Variants in NTRK3 observed in about 807,000 individuals in gnomAD.
The protein encoded by NTRK3 is neurotrophic receptor tyrosine kinase 3.
NTRK3 carries 24 observed loss-of-function variants against 91.7 expected under a neutral mutation model. The ratio of observed to expected loss-of-function variants is 0.26; its 90% CI spans 0.19 to 0.37. The LOEUF is 0.37. NTRK3 is among the 10% of genes least tolerant of loss of function. The probability of loss-of-function intolerance (pLI) is 1.00; values close to 1 mark genes in which losing one functional copy is unlikely to be tolerated. For missense variants in NTRK3, 880 were observed against 1,068.9 expected, an observed-to-expected ratio of 0.82 and a Z score of 2.46; for synonymous variants, 483 against 404.0, an observed-to-expected ratio of 1.20 and a Z score of -2.34.
intron 17 of NTRK3, among the ~76,000 whole-genome samples, chr15:87,919,079 T>G (rs146310638): frequency 6.0e-5 from 9 of 151,226 alleles, no homozygotes; most frequent in African/African-American, 2.2e-4. Flanking sequence ...ATAATGCTAT[T>G]GGTGTGGCCA....
At chr15:87,917,620 G>A (rs1156842081) in intron 17 of NTRK3, among the ~76,000 whole-genome samples, 1 of 152,140 alleles carries the variant, frequency 6.6e-6, no homozygotes, top group Non-Finnish European at 1.5e-5. Flanking sequence ...GTTGGAGGTG[G>A]GGCCTGGTGA....
chr15:88,078,939 C>T (rs895070692), intron 13 of NTRK3, among the ~76,000 whole-genome samples: 5 of 152,196 alleles, frequency 3.3e-5, no homozygotes, highest in Admixed American at 1.3e-4. Context: ...CCGCTGCATG[C>T]GATGGGGCAC....
chr15:87,974,646 C>G (rs1321866144), intron 14 of NTRK3, among the ~76,000 whole-genome samples: 1 of 152,176 alleles, frequency 6.6e-6, no homozygotes, highest in Non-Finnish European at 1.5e-5. Context: ...AAAAGGCCAT[C>G]ATTGCTTGGG....
intron 13 of NTRK3, among the ~76,000 whole-genome samples, chr15:88,060,173 G>C (rs932477351): frequency 6.6e-6 from 1 of 152,062 alleles, no homozygotes; most frequent in Non-Finnish European, 1.5e-5. Context: ...TTGAGGTCAG[G>C]AGTTTGAGAC....
intron 14 of NTRK3, among the ~76,000 whole-genome samples, chr15:87,963,292 T>A (rs904075298): frequency 4.6e-5 from 7 of 152,152 alleles, no homozygotes; most frequent in African/African-American, 1.4e-4. Flanking sequence ...GTGCTGTTTT[T>A]CGTAAGAATG....
At chr15:88,032,721 CAG>C in intron 14 of NTRK3, 134 bp downstream of exon 14, 2 of 984,152 alleles carry the variant, frequency 2.0e-6, no homozygotes, top group Non-Finnish European at 3.1e-6. Context: ...TTGAAACAAA[CAG>C]GGAGGGTCTC....
chr15:87,941,466 TACACATAC>T (rs1371667631), intron 14 of NTRK3, among the ~76,000 whole-genome samples: 1 of 133,560 alleles, frequency 7.5e-6, no homozygotes, highest in African/African-American at 2.7e-5. Context: ...CACACACACA[TACACATAC>T]ACACACACAC....
At chr15:87,929,511 C>T (rs1019417815) in intron 16 of NTRK3, 77 bp from the exon 17 acceptor site, 1 of 1,552,466 alleles carries the variant, frequency 6.4e-7, no homozygotes, top group Non-Finnish European at 8.8e-7. Context: ...TGGGTCCCTG[C>T]CCTCTGGAAT....
chr15:88,106,590 CTGTT>C (rs1252513103), intron 13 of NTRK3, among the ~76,000 whole-genome samples: 2 of 152,082 alleles, frequency 1.3e-5, no homozygotes, highest in Non-Finnish European at 2.9e-5. Flanking sequence ...AGGTCAAACA[CTGTT>C]TGAATTGCTC....
At position 88,237,059 on chromosome 15, in the gene NTRK3, C is replaced by T. The variant is rs1437133651; in HGVS notation, c.248+18847G>A. 2.6e-5 allele frequency among the ~76,000 whole-genome samples: 4 copies of T among 152,148 alleles called. No individual in the cohort carries two copies. The highest frequency in any genetic ancestry group is 9.7e-5 in the African/African-American group (4 of 41,442). On this transcript the variant is annotated intron_variant, in intron 3 of 18. Coordinates refer to ENST00000394480, the Ensembl canonical transcript of NTRK3. This position sits in a 1 kb window ranked among gnomAD's most constrained non-coding sequence, Gnocchi z 4.0. The stretch of plus-strand genomic sequence containing the variant: ...AAAGAATCGAAGTCTAATTTTATGA[C>T]ATACATGCTGAAGTATGTAGAGGGA...
chr15:88,047,649 A>G (rs1054333237), intron 13 of NTRK3, among the ~76,000 whole-genome samples: 4 of 152,210 alleles, frequency 2.6e-5, no homozygotes, highest in Non-Finnish European at 5.9e-5. Flanking sequence ...ACAATGGTTC[A>G]GGTAAGAAAT....
intron 5 of NTRK3, among the ~76,000 whole-genome samples, chr15:88,151,656 C>T (rs2043389689): frequency 6.6e-6 from 1 of 152,208 alleles, no homozygotes; most frequent in African/African-American, 2.4e-5. Flanking sequence ...TCTGTTGCCC[C>T]TTTGGGGGTT....
chr15:87,952,212 AGAAAAG>A (rs2071185263), intron 14 of NTRK3, among the ~76,000 whole-genome samples: 1 of 150,258 alleles, frequency 6.7e-6, no homozygotes, highest in Non-Finnish European at 1.5e-5. Flanking sequence ...GAAAGAAAGA[AGAAAAG>A]AAAAGAGAAA....
At chr15:87,883,987 G>A (rs1362168676) in intron 17 of NTRK3, among the ~76,000 whole-genome samples, 145 of 136,604 alleles carry the variant, frequency 1.1e-3, no homozygotes, top group Non-Finnish European at 1.2e-3. Context: ...GATTCAGCAA[G>A]AAAAAAAAAA....
At chr15:88,251,579 C>G (rs551686827) in intron 3 of NTRK3, among the ~76,000 whole-genome samples, 1 of 152,368 alleles carries the variant, frequency 6.6e-6, no homozygotes, top group East Asian at 1.9e-4. Context: ...GGATGGGGAC[C>G]CAGGCCACAG....
chr15:88,056,686 C>T (rs2045722593), intron 13 of NTRK3, among the ~76,000 whole-genome samples: 1 of 152,232 alleles, frequency 6.6e-6, no homozygotes, highest in Admixed American at 6.5e-5. Context: ...TCCGCATGGT[C>T]TGAGAATCTC....
intron 17 of NTRK3, among the ~76,000 whole-genome samples, chr15:87,886,560 T>A (rs2065545304): frequency 6.6e-6 from 1 of 151,016 alleles, no homozygotes; most frequent in African/African-American, 2.4e-5. Context: ...GATGCAAATA[T>A]ATAGTGATAC....
chr15:88,038,227 T>C (rs56239353), intron 13 of NTRK3, among the ~76,000 whole-genome samples: 1 of 152,120 alleles, frequency 6.6e-6, no homozygotes, highest in African/African-American at 2.4e-5. Flanking sequence ...TCTTCTGATG[T>C]ATGTCACTGC....
chr15:87,869,685 C>A (rs1395720725), exon 19 of NTRK3: 6 of 199,430 alleles, frequency 3.0e-5, no homozygotes, highest in African/African-American at 9.2e-5. Flanking sequence ...GAAAAAAAAT[C>A]TTCTTCACTG....
Sources: allele counts gnomAD v4.1 joint callset (sites outside exome capture counted in the v4.1 genomes callset), GRCh38; gene constraint gnomAD v4.1.1; non-coding constraint Gnocchi (gnomAD v3.1); transcripts MANE v1.5; gene names NCBI Gene and HGNC (gene_info 2026-07-23, HGNC 2026-07-21).